CTNND1: variants seen among roughly 807,000 people sequenced by gnomAD.
The protein encoded by CTNND1 is catenin delta 1.
Under a neutral mutation model 112.1 loss-of-function variants are expected in CTNND1, and 16 were observed. The observed-to-expected ratio is 0.14, with a 90% CI of 0.10 to 0.22. The LOEUF is 0.22. Ranked by LOEUF, CTNND1 falls within the 10% of genes least tolerant of loss-of-function variation. The probability of loss-of-function intolerance (pLI) is 1.00; values close to 1 mark genes in which losing one functional copy is unlikely to be tolerated. For synonymous variants in CTNND1, 420 were observed against 446.5 expected (o/e 0.94, Z 0.75); for missense variants, 1,008 against 1,257.0 (o/e 0.80, Z 3.00).
chr11:57,800,385 C>T (rs186608412), intron 6 of CTNND1, among the ~76,000 whole-genome samples: 12 of 152,010 alleles, frequency 7.9e-5, no homozygotes, highest in African/African-American at 2.4e-4. Context: ...CTCTTGCCTC[C>T]GCCTCCCAAG....
chr11:57,787,097 A>G (rs967607169), intron 1 of CTNND1, among the ~76,000 whole-genome samples: 3 of 152,226 alleles, frequency 2.0e-5, no homozygotes, highest in Non-Finnish European at 4.4e-5. Context: ...GGGTTGTTGT[A>G]AGGATTGCCA....
At chr11:57,796,414 A>C in intron 5 of CTNND1, 43 bp from the exon 6 acceptor site, 1 of 1,504,370 alleles carries the variant, frequency 6.6e-7, no homozygotes. Context: ...TTAATTGCTC[A>C]CTTCCTTAAT....
intron 1 of CTNND1, among the ~76,000 whole-genome samples, chr11:57,768,170 G>C (rs2135957660): frequency 6.6e-6 from 1 of 151,978 alleles, no homozygotes; most frequent in Admixed American, 6.6e-5. Flanking sequence ...TGTGGTAGAT[G>C]TAGGTGCTTG....
At chr11:57,806,083 G>C (rs1458367920) in intron 10 of CTNND1, 48 bp downstream of exon 10, 1 of 1,569,700 alleles carries the variant, frequency 6.4e-7, no homozygotes, top group South Asian at 1.2e-5. Flanking sequence ...GATAGGGAAA[G>C]GAAGGAACAC....
intron 1 of CTNND1, among the ~76,000 whole-genome samples, chr11:57,775,742 G>C (rs1469314596): frequency 3.3e-5 from 5 of 152,112 alleles, no homozygotes; most frequent in African/African-American, 1.2e-4. Context: ...GAATATGGGT[G>C]GGGGAGGGGC....
chr11:57,803,547 G>A lies in CTNND1; in HGVS notation c.1421-74G>A. On this transcript the variant is annotated intron_variant, in intron 7 of 20. Transcript: ENST00000399050. ...GAAGACTGAGAAGTGATACGATAGG[G>A]GGATTCTCTTTGACGTTCTTCAGAC... The A allele has an allele frequency of 3.4e-6, 4 of 1,162,836 alleles. No homozygotes were observed. The South Asian group carries it at 6.5e-5, about 19-fold the overall frequency. 72.0% of individuals were successfully genotyped at this position (1,162,836 alleles called of 1,614,324 possible). A position where few individuals can be genotyped will look rare whatever the true frequency, so the allele number is the denominator to read the frequency against.
intron 10 of CTNND1, among the ~76,000 whole-genome samples, 194 bp from the exon 11 acceptor site, chr11:57,806,267 G>A (rs2062651585): frequency 6.6e-6 from 1 of 152,044 alleles, no homozygotes; most frequent in Admixed American, 6.6e-5. Context: ...GTATCAATGA[G>A]TGGGGCAGTG....
Position 57,810,103 on chromosome 11 carries a change from C to T in CTNND1, c.2436-6C>T. ...AAATTCCGTATGGTGTTACTTTCCT[C>T]CAAAGGAACCGCTCAGAAAAAGAAG... On this transcript the variant is annotated splice_region_variant and splice_polypyrimidine_tract_variant and intron_variant, in intron 15 of 20. Coordinates refer to ENST00000399050, the MANE Select transcript of CTNND1 (RefSeq NM_001085458.2). The T allele has an allele frequency of 6.2e-7, 1 of 1,603,906 alleles. No homozygotes were observed. The highest frequency in any genetic ancestry group is 8.5e-7 in the Non-Finnish European group (1 of 1,176,044).
intron 3 of CTNND1, among the ~76,000 whole-genome samples, chr11:57,792,429 G>C (rs1435939648): frequency 2.0e-5 from 3 of 152,186 alleles, no homozygotes; most frequent in Non-Finnish European, 4.4e-5. Flanking sequence ...GTGTGTGTGC[G>C]TGTGTGCGCG....
At chr11:57,765,640 T>C (rs1427720118) in intron 1 of CTNND1, among the ~76,000 whole-genome samples, 1 of 151,776 alleles carries the variant, frequency 6.6e-6, no homozygotes, top group East Asian at 1.9e-4. Flanking sequence ...CTAATTTTTG[T>C]GTATTTTTGT....
At chr11:57,803,950 A>G (rs920204972) in intron 8 of CTNND1, 146 bp downstream of exon 8, 2 of 573,022 alleles carry the variant, frequency 3.5e-6, no homozygotes, top group African/African-American at 1.9e-5. Context: ...CAACCTTTCT[A>G]TCTTTGTTGC....
chr11:57,797,633 C>T (rs568338734), intron 6 of CTNND1, among the ~76,000 whole-genome samples: 18 of 145,790 alleles, frequency 1.2e-4, no homozygotes, highest in Non-Finnish European at 4.5e-5. Flanking sequence ...ACCTGAGGTC[C>T]GGAGTTCAAG....
At chr11:57,795,963 G>A (rs923218246) in intron 5 of CTNND1, among the ~76,000 whole-genome samples, 5 of 152,152 alleles carry the variant, frequency 3.3e-5, no homozygotes, top group Non-Finnish European at 5.9e-5. Context: ...CATAGTTACT[G>A]TCAGGGCAAT....
chr11:57,815,378 T>A lies in CTNND1; in HGVS notation c.2702-16T>A. 2.7e-6 allele frequency: 4 copies of A among 1,488,594 alleles called. No individual in the cohort carries two copies. The highest frequency in any genetic ancestry group is 1.2e-5 in the South Asian group (1 of 81,182). The allele number at this position is 1,488,594 out of a possible 1,614,324, so 92.2% of individuals were successfully genotyped here. A position where few individuals can be genotyped will look rare whatever the true frequency, so the allele number is the denominator to read the frequency against. On this transcript the variant is annotated splice_polypyrimidine_tract_variant and intron_variant, in intron 18 of 20. Coordinates refer to ENST00000399050, the MANE Select transcript of CTNND1 (RefSeq NM_001085458.2). ...GGGAATGTCATATTTCTGTGTACTTTTTTTTTTTTAACCAGATAACAACTA... is the reference window on the plus strand; with the variant it reads ...GGGAATGTCATATTTCTGTGTACTTATTTTTTTTTAACCAGATAACAACTA...
Position 57,809,883 on chromosome 11 carries a change from G to A in CTNND1, c.2436-226G>A, listed in dbSNP as rs1012279908. On this transcript the variant is annotated intron_variant, in intron 15 of 20. Transcript: ENST00000399050. ...TGCCACCATGCCCAGCTAATTTTTT[G>A]TACTTTTAGTGGAGATGGGGTTTCA... Among the ~76,000 whole-genome samples, 6 of 151,568 alleles carry A rather than the reference G, an allele frequency of 4.0e-5. 1 individual carries two copies. Among genetic ancestry groups the A allele is most frequent in the African/African-American group, 1.5e-4 (6 of 41,228 alleles).
At chr11:57,794,141 A>G (rs1009870050) in intron 4 of CTNND1, 60 bp downstream of exon 4, 21 of 1,457,912 alleles carry the variant, frequency 1.4e-5, no homozygotes, top group Middle Eastern at 1.7e-4. Flanking sequence ...TCCCCAGCCT[A>G]TAAGAGCATA....
At position 57,796,454 on chromosome 11, in the gene CTNND1, C is replaced by A. The variant is rs112156954; in HGVS notation, c.421-3C>A. On this transcript the variant is annotated splice_polypyrimidine_tract_variant and splice_region_variant and intron_variant, in intron 5 of 20. Coordinates refer to ENST00000399050, the MANE Select transcript of CTNND1 (RefSeq NM_001085458.2). ...TTTTCTTTTTCTTGTTTCCTACTTG[C>A]AGGTCAAGAAAGTAGTGAAGACTGT... 6.4e-7 allele frequency: 1 copy of A among 1,562,878 alleles called. No homozygotes were observed.
At chr11:57,797,163 T>A (rs1366412467) in intron 6 of CTNND1, among the ~76,000 whole-genome samples, 171 bp downstream of exon 6, 1 of 150,076 alleles carries the variant, frequency 6.7e-6, no homozygotes, top group East Asian at 1.9e-4. Context: ...TGACTTGGCT[T>A]AGTATTGACT....
intron 6 of CTNND1, 100 bp from the exon 7 acceptor site, chr11:57,801,633 C>A: frequency 2.1e-6 from 2 of 938,382 alleles, no homozygotes; most frequent in Non-Finnish European, 3.2e-6. Context: ...CACACTGAAA[C>A]TCCAGTTAAT....
Sources: allele counts gnomAD v4.1 joint callset (sites outside exome capture counted in the v4.1 genomes callset), GRCh38; gene constraint gnomAD v4.1.1; transcripts MANE v1.5; gene names NCBI Gene and HGNC (gene_info 2026-07-23, HGNC 2026-07-21).